The following ZRANB3 variants were observed in gnomAD, a reference collection of about 807,000 sequenced individuals.
The protein encoded by ZRANB3 is DNA annealing helicase and endonuclease ZRANB3.
ZRANB3 carries 125 observed loss-of-function variants against 133.8 expected under a neutral mutation model. That is an observed-to-expected ratio of 0.93 (90% CI 0.81 to 1.08). The LOEUF is 1.08. ZRANB3 is among the 50% of genes least tolerant of loss of function. The pLI is 0.00. For missense variants in ZRANB3, 1,229 were observed against 1,275.5 expected (o/e 0.96, Z 0.56); for synonymous variants, 387 against 432.7 (o/e 0.89, Z 1.31).
chr2:135,452,739 T>C (rs1210613880), intron 2 of ZRANB3, among the ~76,000 whole-genome samples: 1 of 152,216 alleles, frequency 6.6e-6, no homozygotes, highest in Non-Finnish European at 1.5e-5. Flanking sequence ...TGGGCTCCCA[T>C]GGTCTTGGGC....
At chr2:135,278,306 G>A (rs550570308) in intron 8 of ZRANB3, among the ~76,000 whole-genome samples, 1 of 152,228 alleles carries the variant, frequency 6.6e-6, no homozygotes, top group Non-Finnish European at 1.5e-5. Context: ...ACCAATACCA[G>A]AAATGAGAGA....
intron 2 of ZRANB3, chr2:135,504,114 C>T (rs1693067274): frequency 1.6e-6 from 1 of 619,474 alleles, no homozygotes; most frequent in South Asian, 1.6e-5. Context: ...ATTAAGATAA[C>T]TGAACATACT....
intron 2 of ZRANB3, among the ~76,000 whole-genome samples, chr2:135,406,814 A>AT (rs1256117309): frequency 1.3e-5 from 2 of 152,214 alleles, no homozygotes; most frequent in African/African-American, 4.8e-5. Flanking sequence ...TATTGATGGG[A>AT]TGTATCTCAA....
chr2:135,321,706 C>T (rs1340571277), intron 6 of ZRANB3, among the ~76,000 whole-genome samples: 1 of 152,100 alleles, frequency 6.6e-6, no homozygotes, highest in Non-Finnish European at 1.5e-5. Flanking sequence ...TCTCGAACTC[C>T]TGACCTCAGG....
At chr2:135,318,680 G>T (rs1042527639) in intron 6 of ZRANB3, among the ~76,000 whole-genome samples, 1 of 152,114 alleles carries the variant, frequency 6.6e-6, no homozygotes, top group Admixed American at 6.5e-5. Flanking sequence ...AAAAGTTTAC[G>T]TGAAAAACTG....
At chr2:135,419,630 G>A (rs1688747498) in intron 2 of ZRANB3, among the ~76,000 whole-genome samples, 1 of 151,720 alleles carries the variant, frequency 6.6e-6, no homozygotes, top group Non-Finnish European at 1.5e-5. Flanking sequence ...AACTATCCTT[G>A]GCCACGGGAA....
chr2:135,430,231 T>C (rs901200259), intron 2 of ZRANB3, among the ~76,000 whole-genome samples: 1 of 151,856 alleles, frequency 6.6e-6, no homozygotes, highest in Non-Finnish European at 1.5e-5. Flanking sequence ...GTTAAATAAA[T>C]GCAAGGGTCT....
chr2:135,471,852 C>T (rs758578652), intron 2 of ZRANB3, among the ~76,000 whole-genome samples: 6 of 152,120 alleles, frequency 3.9e-5, no homozygotes, highest in Non-Finnish European at 7.3e-5. Flanking sequence ...TTTAGCATTA[C>T]CAAAAATCAG....
chr2:135,200,202 A>C lies in ZRANB3; in HGVS notation c.*140T>G. 1 of 696,912 alleles carries C rather than the reference A, an allele frequency of 1.4e-6. No individual in the cohort carries two copies. Among genetic ancestry groups the C allele is most frequent in the South Asian group, 1.6e-5 (1 of 60,808 alleles). 43.2% of individuals were successfully genotyped at this position (696,912 alleles called of 1,614,324 possible). ...TCAAAATGTATTTAATACTAAAAGTAATTAGTAGAAGAGAATTTGAATTCT... is the reference window on the plus strand; with the variant it reads ...TCAAAATGTATTTAATACTAAAAGTCATTAGTAGAAGAGAATTTGAATTCT... On this transcript the variant is annotated 3_prime_UTR_variant, in exon 21 of 21. Coordinates refer to ENST00000264159, the MANE Select transcript of ZRANB3 (RefSeq NM_032143.4).
At position 135,384,940 on chromosome 2, in the gene ZRANB3, C is replaced by T. The variant is rs185500032; in HGVS notation, c.180+5862G>A. On this transcript the variant is annotated intron_variant, in intron 3 of 20. Coordinates refer to ENST00000264159, the MANE Select transcript of ZRANB3 (RefSeq NM_032143.4). Reference sequence around the variant, plus strand: ...TCCCTTTGAAAGCTGGCACAAGACACGGATGCACTTTCTCACCACTCCTAT... The same window carrying T: ...TCCCTTTGAAAGCTGGCACAAGACATGGATGCACTTTCTCACCACTCCTAT... 3.4e-4 allele frequency among the ~76,000 whole-genome samples: 51 copies of T among 152,214 alleles called. No individual in the cohort carries two copies. In the East Asian group the frequency reaches 8.7e-3, roughly 26 times the overall value.
intron 2 of ZRANB3, among the ~76,000 whole-genome samples, chr2:135,495,137 AG>A (rs1692606868): frequency 6.6e-6 from 1 of 152,186 alleles, no homozygotes; most frequent in African/African-American, 2.4e-5. Flanking sequence ...GTGAGGTCAG[AG>A]GATCACTTAG....
chr2:135,214,912 A>G (rs920818921), intron 17 of ZRANB3, among the ~76,000 whole-genome samples: 4 of 152,140 alleles, frequency 2.6e-5, no homozygotes, highest in Admixed American at 2.6e-4. Context: ...CTCATACAAC[A>G]TTTTACATTT....
At chr2:135,451,831 C>T (rs1559008246) in intron 2 of ZRANB3, among the ~76,000 whole-genome samples, 1 of 152,046 alleles carries the variant, frequency 6.6e-6, no homozygotes, top group African/African-American at 2.4e-5. Flanking sequence ...ATGTGACGCA[C>T]AAAAAATCCA....
intron 2 of ZRANB3, among the ~76,000 whole-genome samples, chr2:135,488,745 C>T (rs1226684420): frequency 6.6e-6 from 1 of 151,044 alleles, no homozygotes; most frequent in African/African-American, 2.4e-5. Context: ...ATATGCAAAG[C>T]ACAATTTGTA....
intron 2 of ZRANB3, among the ~76,000 whole-genome samples, chr2:135,491,551 T>C (rs1396024825): frequency 6.6e-6 from 1 of 152,018 alleles, no homozygotes; most frequent in Non-Finnish European, 1.5e-5. Flanking sequence ...TCTCACTCTG[T>C]TGCCCAGGCT....
rs577194391 is a variant in ZRANB3, at chr2:135,216,601, ATT to A, written c.2495+862_2495+863del. Among the ~76,000 whole-genome samples, 502 of 140,742 alleles carry A rather than the reference ATT, an allele frequency of 3.6e-3. 1 individual carries two copies. Among genetic ancestry groups the A allele is most frequent in the African/African-American group, 0.011 (430 of 38,496 alleles). The allele number at this position is 140,742 out of a possible 152,430, so 92.3% of individuals were successfully genotyped here. A position where few individuals can be genotyped will look rare whatever the true frequency, so the allele number is the denominator to read the frequency against. ...ACTATAGGAGTGTGCCACCTGGCTA[ATT>A]TTTTTTTTTTTTTTTTATAGAAACA... On this transcript the variant is annotated intron_variant, in intron 17 of 20. Coordinates refer to ENST00000264159, the MANE Select transcript of ZRANB3 (RefSeq NM_032143.4).
rs563543980 is a variant in ZRANB3 at position 135,403,110 on chromosome 2, G to A, written c.162-12290C>T. ...GGGGAGTGTCGGAAAGTGGGTGCAG[G>A]ACAGTAGGTGCAGTGCACCCAGCAG... On this transcript the variant is annotated intron_variant, in intron 2 of 20. Transcript: ENST00000264159. Among the ~76,000 whole-genome samples, 44 of 152,218 alleles carry A rather than the reference G, an allele frequency of 2.9e-4. No individual in the cohort carries two copies. In the South Asian group the frequency reaches 6.2e-3, roughly 22 times the overall value.
At chr2:135,202,305 A>T (rs1573657512) in intron 20 of ZRANB3, 2 of 152,290 alleles carry the variant, frequency 1.3e-5, no homozygotes, top group African/African-American at 4.8e-5. Context: ...GCCTGTAAAA[A>T]ATTCATCCTG....
At chr2:135,466,561 GCTGTTTGGAAT>G (rs1691010415) in intron 2 of ZRANB3, among the ~76,000 whole-genome samples, 2 of 152,106 alleles carry the variant, frequency 1.3e-5, no homozygotes, top group Admixed American at 1.3e-4. Context: ...GCCACTAAAA[GCTGTTTGGAAT>G]CTTGGATTAA....
Sources: allele counts gnomAD v4.1 joint callset (sites outside exome capture counted in the v4.1 genomes callset), GRCh38; gene constraint gnomAD v4.1.1; transcripts MANE v1.5; gene names NCBI Gene and HGNC (gene_info 2026-07-23, HGNC 2026-07-21).